NCKAP5: variants seen among roughly 807,000 people sequenced by gnomAD.
The protein encoded by NCKAP5 is nck-associated protein 5.
Under a neutral mutation model 167.0 loss-of-function variants are expected in NCKAP5, and 92 were observed. The observed-to-expected ratio is 0.55, with a 90% CI of 0.47 to 0.66. The LOEUF is 0.66. Among genes scored for constraint, NCKAP5 ranks in the 30% least tolerant of loss-of-function variants. The probability of loss-of-function intolerance (pLI) is 0.00; values close to 1 mark genes in which losing one functional copy is unlikely to be tolerated. For missense variants in NCKAP5, 2,378 were observed against 2,315.0 expected, an observed-to-expected ratio of 1.03 and a Z score of -0.56; for synonymous variants, 891 against 877.4, an observed-to-expected ratio of 1.02 and a Z score of -0.27.
intron 5 of NCKAP5, among the ~76,000 whole-genome samples, chr2:133,152,488 GT>G (rs770699083): frequency 2.6e-4 from 40 of 152,104 alleles, no homozygotes; most frequent in Admixed American, 2.6e-4. Flanking sequence ...TCTGTCTTTG[GT>G]TGCAGAAGTC....
chr2:132,923,557 GA>G (rs1163324700), intron 8 of NCKAP5, among the ~76,000 whole-genome samples: 1 of 152,160 alleles, frequency 6.6e-6, no homozygotes, highest in Non-Finnish European at 1.5e-5. Flanking sequence ...GAACAAACTA[GA>G]AATGTTTTCT....
chr2:133,588,702 T>C, the NCKAP5 span, among the ~76,000 whole-genome samples: 12 of 152,074 alleles, frequency 7.9e-5, no homozygotes, highest in East Asian at 2.3e-3. Context: ...ACATGCAAAG[T>C]AGTGGTAAGT....
intron 3 of NCKAP5, among the ~76,000 whole-genome samples, chr2:133,388,735 G>T (rs1266404648): frequency 6.6e-6 from 1 of 152,216 alleles, no homozygotes; most frequent in Non-Finnish European, 1.5e-5. Context: ...CTCAGCAATG[G>T]TGGGCGCCCC....
At chr2:133,058,988 C>T (rs537209513) in intron 6 of NCKAP5, among the ~76,000 whole-genome samples, 1 of 152,336 alleles carries the variant, frequency 6.6e-6, no homozygotes, top group East Asian at 1.9e-4. Context: ...TGAGACAAGA[C>T]TCTCCACCAG....
At chr2:132,899,920 A>C (rs772332776) in intron 8 of NCKAP5, among the ~76,000 whole-genome samples, 1 of 152,080 alleles carries the variant, frequency 6.6e-6, no homozygotes, top group Non-Finnish European at 1.5e-5. Flanking sequence ...AAAAAAAATT[A>C]AGTGAGAGAC....
intron 16 of NCKAP5, among the ~76,000 whole-genome samples, chr2:132,755,497 G>C (rs1267736267): frequency 6.6e-6 from 1 of 152,098 alleles, no homozygotes; most frequent in African/African-American, 2.4e-5. Context: ...CATTCAGAAA[G>C]ATTATATCTA....
At chr2:133,278,105 C>T (rs1012755597) in intron 4 of NCKAP5, among the ~76,000 whole-genome samples, 1 of 152,184 alleles carries the variant, frequency 6.6e-6, no homozygotes, top group Admixed American at 6.5e-5. Flanking sequence ...ATGACTCAAA[C>T]TCCAGATGCC....
the NCKAP5 span, among the ~76,000 whole-genome samples, chr2:133,614,656 A>C: frequency 6.6e-6 from 1 of 152,220 alleles, no homozygotes; most frequent in Non-Finnish European, 1.5e-5. Context: ...ATGTGAAAAG[A>C]CCAAATCTAC....
At chr2:133,160,750 C>T (rs2083763119) in intron 5 of NCKAP5, among the ~76,000 whole-genome samples, 1 of 152,168 alleles carries the variant, frequency 6.6e-6, no homozygotes, top group East Asian at 1.9e-4. Context: ...CCCTTTTCTT[C>T]TCCTAGAACT....
Position 133,429,648 on chromosome 2 carries a change from T to A in NCKAP5, c.69+87810A>T, listed in dbSNP as rs76216892. ...CCATGTTGCTACAAGGGACATAATT[T>A]TATTTTTTATGGCTGCATAGTATTC... is the stretch of plus-strand genomic sequence containing the variant. On this transcript the variant is annotated intron_variant, in intron 3 of 19. Coordinates refer to ENST00000409261, the MANE Select transcript of NCKAP5 (RefSeq NM_207363.3). 2.5e-3 allele frequency among the ~76,000 whole-genome samples: 374 copies of A among 152,136 alleles called. 4 individuals carry two copies. The highest frequency in any genetic ancestry group is 2.5e-3 in the Non-Finnish European group (169 of 67,948).
At chr2:133,309,662 G>GTGTGC (rs1681091591) in intron 3 of NCKAP5, among the ~76,000 whole-genome samples, 2 of 152,142 alleles carry the variant, frequency 1.3e-5, no homozygotes, top group African/African-American at 4.8e-5. Context: ...CAATTAGTAT[G>GTGTGC]AAACATTTAA....
At chr2:132,896,054 G>A (rs1210010964) in intron 8 of NCKAP5, among the ~76,000 whole-genome samples, 1 of 152,252 alleles carries the variant, frequency 6.6e-6, no homozygotes, top group Non-Finnish European at 1.5e-5. Flanking sequence ...AGTATCGCTT[G>A]AACCCAGGAG....
intron 7 of NCKAP5, 46 bp from the exon 8 acceptor site, chr2:132,963,915 A>G: frequency 6.2e-7 from 1 of 1,604,550 alleles, no homozygotes; most frequent in Non-Finnish European, 8.5e-7. Flanking sequence ...CCAGTGAAAA[A>G]TAAGCATGAG....
intron 5 of NCKAP5, among the ~76,000 whole-genome samples, chr2:133,136,391 C>T (rs1402538160): frequency 3.3e-5 from 5 of 152,152 alleles, no homozygotes; most frequent in African/African-American, 9.7e-5. Flanking sequence ...TCTAGCACCA[C>T]ATTATGTGGC....
At chr2:132,696,903 G>A (rs1409352367) in intron 19 of NCKAP5, among the ~76,000 whole-genome samples, 1 of 151,964 alleles carries the variant, frequency 6.6e-6, no homozygotes, top group Non-Finnish European at 1.5e-5. Flanking sequence ...TATTTGGGTT[G>A]GGGGAACATG....
At chr2:133,349,724 G>A (rs528948718) in intron 3 of NCKAP5, among the ~76,000 whole-genome samples, 43 of 152,200 alleles carry the variant, frequency 2.8e-4, no homozygotes, top group African/African-American at 9.6e-4. Context: ...AAAGAAATAA[G>A]TCCAGAGTAG....
rs142387643 is a variant in NCKAP5 at position 132,706,092 on chromosome 2, C to G, written c.5713+19535G>C. Among the ~76,000 whole-genome samples the G allele has an allele frequency of 2.6e-5, 4 of 152,140 alleles. No individual in the cohort carries two copies. The East Asian group carries it at 7.7e-4, about 29-fold the overall frequency. On this transcript the variant is annotated intron_variant, in intron 19 of 19. Transcript: ENST00000409261. ...AATATAGTTATATACATTACACACA[C>G]ACACATACACACATACACACATTTT...
intron 3 of NCKAP5, among the ~76,000 whole-genome samples, chr2:133,343,041 G>T (rs1045677820): frequency 9.2e-5 from 14 of 152,156 alleles, no homozygotes; most frequent in Admixed American, 7.9e-4. Context: ...AAAGGTGAAG[G>T]CTTATTCATT....
chr2:133,320,382 C>T (rs887292673), intron 3 of NCKAP5, among the ~76,000 whole-genome samples: 2 of 152,296 alleles, frequency 1.3e-5, no homozygotes, highest in Middle Eastern at 3.4e-3. Flanking sequence ...GCTCTCTAGA[C>T]CTCCTCTCGC....
Sources: gnomAD v4.1 joint callset for allele counts (sites outside exome capture counted in the v4.1 genomes callset) on GRCh38, gnomAD v4.1.1 for gene constraint, MANE v1.5 for transcripts, NCBI Gene and HGNC (gene_info 2026-07-23, HGNC 2026-07-21) for gene names.